The following GRIK4 variants were observed in gnomAD, a reference collection of about 807,000 sequenced individuals.
GRIK4 encodes glutamate receptor ionotropic, kainate 4.
Under a neutral mutation model 104.9 loss-of-function variants are expected in GRIK4, and 40 were observed. The observed-to-expected ratio is 0.38, with a 90% CI of 0.30 to 0.50. The LOEUF (loss-of-function observed/expected upper bound fraction) is 0.50. Ranked by LOEUF, GRIK4 falls within the 20% of genes least tolerant of loss-of-function variation. The pLI, the probability that GRIK4 is intolerant of heterozygous loss-of-function variation, is 0.93. For missense variants in GRIK4, 1,047 were observed against 1,308.1 expected (o/e 0.80, Z 3.08); for synonymous variants, 485 against 524.9 (o/e 0.92, Z 1.04).
chr11:120,554,178 CTG>C (rs1471325073), intron 1 of GRIK4, among the ~76,000 whole-genome samples: 1 of 151,958 alleles, frequency 6.6e-6, no homozygotes, highest in Non-Finnish European at 1.5e-5. Context: ...AGTTTCAAAA[CTG>C]GAGTTGGGCC....
intron 1 of GRIK4, among the ~76,000 whole-genome samples, chr11:120,532,411 C>G (rs1418041391): frequency 6.6e-6 from 1 of 152,160 alleles, no homozygotes; most frequent in Non-Finnish European, 1.5e-5. Context: ...AGCTTAGAGG[C>G]ATTGAATCAA....
intron 1 of GRIK4, among the ~76,000 whole-genome samples, chr11:120,651,864 C>A (rs2135219720): frequency 6.6e-6 from 1 of 152,342 alleles, no homozygotes; most frequent in East Asian, 1.9e-4. Flanking sequence ...GACCTGCTTG[C>A]ATTTAGCTTG....
intron 3 of GRIK4, among the ~76,000 whole-genome samples, chr11:120,685,163 G>A (rs929315846): frequency 2.0e-5 from 3 of 152,212 alleles, no homozygotes; most frequent in Non-Finnish European, 4.4e-5. Context: ...GGTGCCAAGA[G>A]GAACCAGGTG....
At chr11:120,683,749 A>G (rs1950233575) in intron 3 of GRIK4, among the ~76,000 whole-genome samples, 1 of 152,224 alleles carries the variant, frequency 6.6e-6, no homozygotes, top group African/African-American at 2.4e-5. Flanking sequence ...AAGACATTGT[A>G]ACTGGAAGTA....
chr11:120,659,059 A>T (rs999029901), intron 2 of GRIK4, among the ~76,000 whole-genome samples: 15 of 152,142 alleles, frequency 9.9e-5, no homozygotes, highest in African/African-American at 3.4e-4. Flanking sequence ...ACATTTTAAT[A>T]CTACTCTCCC....
At chr11:120,570,723 T>C (rs1186761341) in intron 1 of GRIK4, among the ~76,000 whole-genome samples, 2 of 152,230 alleles carry the variant, frequency 1.3e-5, no homozygotes, top group African/African-American at 4.8e-5. Context: ...GCCAAAGTGC[T>C]AGGATTACAG....
At chr11:120,649,416 C>G (rs1420620659) in intron 1 of GRIK4, among the ~76,000 whole-genome samples, 1 of 152,204 alleles carries the variant, frequency 6.6e-6, no homozygotes, top group East Asian at 1.9e-4. Context: ...GGGGTCTCCA[C>G]CTGGGCATGA....
At chr11:120,735,372 A>G (rs930917616) in intron 3 of GRIK4, among the ~76,000 whole-genome samples, 6 of 152,152 alleles carry the variant, frequency 3.9e-5, no homozygotes, top group African/African-American at 1.4e-4. Context: ...CTCTTCCCTT[A>G]GTTTCTCTCA....
At position 120,903,511 on chromosome 11, in the gene GRIK4, TTCC is replaced by T. The variant is rs1304951147; in HGVS notation, c.1273-1773_1273-1771del. On this transcript the variant is annotated intron_variant, in intron 12 of 20. Transcript: ENST00000527524. The surrounding 1 kb of genome is among the most constrained non-coding windows in gnomAD (Gnocchi z 4.4). ...TTGCTCCACCAGCTAGCATGGTTCT[TTCC>T]TCCTCTTTTCTCCCCTTTTCCAGGG... 6.6e-6 allele frequency among the ~76,000 whole-genome samples: 1 copy of T among 152,204 alleles called. No individual in the cohort carries two copies. The highest frequency in any genetic ancestry group is 2.4e-5 in the African/African-American group (1 of 41,536).
At chr11:120,559,849 T>A (rs1948221651) in intron 1 of GRIK4, among the ~76,000 whole-genome samples, 1 of 152,212 alleles carries the variant, frequency 6.6e-6, no homozygotes, top group African/African-American at 2.4e-5. Flanking sequence ...GCATATTAAC[T>A]GTATCTGCAT....
intron 3 of GRIK4, among the ~76,000 whole-genome samples, chr11:120,712,273 G>T (rs1950747757): frequency 6.6e-6 from 1 of 152,170 alleles, no homozygotes; most frequent in Non-Finnish European, 1.5e-5. Flanking sequence ...CTGGGGCGAG[G>T]GTTGGGAAGA....
intron 9 of GRIK4, among the ~76,000 whole-genome samples, chr11:120,865,077 C>T (rs1056339265): frequency 2.0e-5 from 3 of 152,244 alleles, no homozygotes; most frequent in African/African-American, 7.2e-5. Flanking sequence ...ATATAACAAC[C>T]TATATATGCC....
intron 1 of GRIK4, among the ~76,000 whole-genome samples, chr11:120,537,865 G>A (rs376079790): frequency 6.7e-5 from 10 of 150,268 alleles, no homozygotes; most frequent in Admixed American, 5.3e-4. Flanking sequence ...AAAAAAAAAA[G>A]AAACCAACAA....
In GRIK4 at chr11:120,511,799, G is replaced by C. The variant is rs1177747679; in HGVS notation, c.-247G>C. On this transcript the variant is annotated 5_prime_UTR_variant, in exon 1 of 21. Transcript: ENST00000527524. ...GGGCTGGAGCCGCCACGGCTGCTGC[G>C]GAAGAGGAAAAACGGCCAACAGCAG... The C allele has an allele frequency of 5.5e-6, 2 of 361,798 alleles. No individual in the cohort carries two copies. The highest frequency in any genetic ancestry group is 1.1e-5 in the Non-Finnish European group (2 of 179,082). The allele number at this position is 361,798 out of a possible 1,614,324, so 22.4% of individuals were successfully genotyped here.
At chr11:120,755,840 T>A (rs1054261880) in intron 3 of GRIK4, among the ~76,000 whole-genome samples, 1 of 151,856 alleles carries the variant, frequency 6.6e-6, no homozygotes, top group African/African-American at 2.4e-5. Context: ...CCTGGAAGAG[T>A]CTAGGACATT....
intron 19 of GRIK4, among the ~76,000 whole-genome samples, chr11:120,976,327 T>G (rs1369233517): frequency 6.6e-6 from 1 of 152,230 alleles, no homozygotes; most frequent in Non-Finnish European, 1.5e-5. Context: ...ACTTTTCTCC[T>G]ATTATTCTCT....
rs59807097 is a variant in GRIK4 at position 120,746,422 on chromosome 11, C to CTAGG, written c.83-56261_83-56258dup. On this transcript the variant is annotated intron_variant, in intron 3 of 20. Coordinates refer to ENST00000527524, the MANE Select transcript of GRIK4 (RefSeq NM_014619.5). ...GATACGGTGTGGGACAGGTAGGTGCCTAGGTAGGTAGGTGGGACAGGTAGA... is the reference window on the plus strand; with the variant it reads ...GATACGGTGTGGGACAGGTAGGTGCCTAGGTAGGTAGGTAGGTGGGACAGGTAGA... 6.6e-5 allele frequency among the ~76,000 whole-genome samples: 10 copies of CTAGG among 152,146 alleles called. No individual in the cohort carries two copies. In the East Asian group the frequency reaches 1.9e-3, roughly 29 times the overall value.
intron 13 of GRIK4, among the ~76,000 whole-genome samples, chr11:120,917,247 CAAAAAAA>C (rs199620498): frequency 8.6e-4 from 30 of 34,802 alleles, no homozygotes; most frequent in African/African-American, 2.0e-3. Flanking sequence ...AACTCCGTCT[CAAAAAAA>C]AAAAAAAAAA....
At chr11:120,535,442 G>A (rs533335687) in intron 1 of GRIK4, among the ~76,000 whole-genome samples, 4 of 152,136 alleles carry the variant, frequency 2.6e-5, no homozygotes, top group South Asian at 2.1e-4. Flanking sequence ...GAGGGGGTAG[G>A]GAGCAGGCCG....
Sources: gnomAD v4.1 joint callset for allele counts (sites outside exome capture counted in the v4.1 genomes callset) on GRCh38, gnomAD v4.1.1 for gene constraint, Gnocchi (gnomAD v3.1) non-coding constraint, MANE v1.5 for transcripts, NCBI Gene and HGNC (gene_info 2026-07-23, HGNC 2026-07-21) for gene names.